The following CD6 variants were observed in gnomAD, a reference collection of about 807,000 sequenced individuals.
CD6 encodes T-cell differentiation antigen CD6.
A neutral mutation model predicts 75.3 loss-of-function variants in CD6; 53 were observed. The ratio of observed to expected loss-of-function variants is 0.70; its 90% confidence interval spans 0.56 to 0.88. The LOEUF (loss-of-function observed/expected upper bound fraction) is 0.88. Among genes scored for constraint, CD6 ranks in the 40% least tolerant of loss-of-function variants. The pLI is 0.00. For synonymous variants in CD6, 359 were observed against 381.5 expected (o/e 0.94, Z 0.69); for missense variants, 770 against 897.1 (o/e 0.86, Z 1.81).
chr11:60,984,671 A>C (rs1012989752), intron 1 of CD6, among the ~76,000 whole-genome samples: 3 of 152,264 alleles, frequency 2.0e-5, no homozygotes, highest in African/African-American at 7.2e-5. Flanking sequence ...GGATATGTGC[A>C]CCAAGGGAAA....
chr11:60,995,774 C>T (rs1858269306), intron 1 of CD6, among the ~76,000 whole-genome samples: 1 of 152,110 alleles, frequency 6.6e-6, no homozygotes, highest in African/African-American at 2.4e-5. Flanking sequence ...ACCCAGGACC[C>T]CCTGCCCCGG....
chr11:60,993,030 C>T (rs1306020612), intron 1 of CD6, among the ~76,000 whole-genome samples: 2 of 152,046 alleles, frequency 1.3e-5, no homozygotes, highest in Admixed American at 1.3e-4. Flanking sequence ...TTTTACTGAG[C>T]TGCTTGCAAC....
At chr11:61,015,399 T>G (rs1185539381) in intron 8 of CD6, 1 of 240,902 alleles carries the variant, frequency 4.2e-6, no homozygotes, top group Non-Finnish European at 8.2e-6. Flanking sequence ...GGTGAAAACC[T>G]GTCTCTACAA....
intron 11 of CD6, 94 bp downstream of exon 11, chr11:61,018,107 T>G: frequency 6.7e-7 from 1 of 1,482,290 alleles, no homozygotes; most frequent in Admixed American, 1.9e-5. Context: ...AGGTCAGGAT[T>G]CTACCCAGTT....
At chr11:60,972,244 C>G (rs537259908) in intron 1 of CD6, among the ~76,000 whole-genome samples, 2 of 152,354 alleles carry the variant, frequency 1.3e-5, no homozygotes, top group South Asian at 4.1e-4. Context: ...TTCTTGCCAA[C>G]TCTTAAGAAG....
Position 61,007,386 on chromosome 11 carries a change from G to A in CD6, c.119-174G>A, listed in dbSNP as rs1858912421. Among the ~76,000 whole-genome samples the A allele has an allele frequency of 6.6e-6, 1 of 152,208 alleles. No homozygotes were observed. Among genetic ancestry groups the A allele is most frequent in the South Asian group, 2.1e-4 (1 of 4,834 alleles). ...ACTCTAAGGAGAACCACAGGGTCAG[G>A]CCTCAAGGTGGGCTCAGGGATGAGC... On this transcript the variant is annotated intron_variant, in intron 2 of 12. Coordinates refer to ENST00000313421, the MANE Select transcript of CD6 (RefSeq NM_006725.5). The surrounding 1 kb of genome is among the most constrained non-coding windows in gnomAD (Gnocchi z 4.2).
Position 60,983,100 on chromosome 11 carries a change from CT to C in CD6, c.49+11201del, listed in dbSNP as rs34513880. 4.5e-3 allele frequency among the ~76,000 whole-genome samples: 637 copies of C among 143,092 alleles called. 3 individuals are homozygous for C. Among genetic ancestry groups the C allele is most frequent in the African/African-American group, 7.9e-3 (308 of 39,196 alleles). 93.9% of individuals were successfully genotyped at this position (143,092 alleles called of 152,430 possible). On this transcript the variant is annotated intron_variant, in intron 1 of 12. Transcript: ENST00000313421. ...GCCTCCTCTTTGTTTTTTTACTTCA[CT>C]TTTTTTTTTTTTTTGACGGAGTCTC... is the stretch of plus-strand genomic sequence containing the variant.
intron 1 of CD6, chr11:60,985,164 GCACC>G (rs1857753294): frequency 7.1e-6 from 1 of 140,934 alleles, no homozygotes; most frequent in Non-Finnish European, 1.5e-5. Flanking sequence ...GCCGAAGCTT[GCACC>G]CACTCCTTTT....
intron 1 of CD6, among the ~76,000 whole-genome samples, chr11:60,987,414 C>G (rs1200361296): frequency 6.6e-6 from 1 of 152,198 alleles, no homozygotes; most frequent in Non-Finnish European, 1.5e-5. Flanking sequence ...AACTTGATTG[C>G]CCCTATAAAG....
intron 1 of CD6, among the ~76,000 whole-genome samples, chr11:60,975,813 T>C (rs1446590582): frequency 6.6e-6 from 1 of 152,102 alleles, no homozygotes; most frequent in Non-Finnish European, 1.5e-5. Context: ...AATAAAAAAG[T>C]AGGGGGAGGG....
At chr11:60,983,206 C>T (rs888433178) in intron 1 of CD6, among the ~76,000 whole-genome samples, 1 of 151,774 alleles carries the variant, frequency 6.6e-6, no homozygotes, top group African/African-American at 2.4e-5. Context: ...AAGCGAGTCT[C>T]GTGCCTCAGC....
At position 61,011,073 on chromosome 11, in the gene CD6, C is replaced by G; in HGVS notation, c.1088C>G (p.Ser363Cys). Residue 363 changes from serine to cysteine, a missense_variant, in exon 6 of 13, where the codon TCC becomes TGC. Physicochemically the swap from Ser to Cys is moderately radical, Grantham distance 112. Transcript: ENST00000313421. ...ACTGGGCGGTGCTTTCTGACAGCTTCCCGGAGTTTGCACAATCTGTCCACT... is the reference window on the plus strand; with the variant it reads ...ACTGGGCGGTGCTTTCTGACAGCTTGCCGGAGTTTGCACAATCTGTCCACT... ...SLAARVLCSA[S>C]RSLHNLSTPE... 1 of 1,614,052 alleles carries G rather than the reference C, an allele frequency of 6.2e-7. No homozygotes were observed. Among genetic ancestry groups the G allele is most frequent in the Non-Finnish European group, 8.5e-7 (1 of 1,179,956 alleles).
chr11:61,002,184 A>C (rs1858615738), intron 1 of CD6, among the ~76,000 whole-genome samples: 1 of 152,224 alleles, frequency 6.6e-6, no homozygotes. Flanking sequence ...GCCATGCTGT[A>C]AATGGACCGT....
chr11:60,983,372 G>A (rs1174246914), intron 1 of CD6, among the ~76,000 whole-genome samples: 3 of 152,014 alleles, frequency 2.0e-5, no homozygotes, highest in East Asian at 3.8e-4. Flanking sequence ...GATTACAGAC[G>A]CGAGCCACTG....
In CD6 at chr11:61,007,467, T is replaced by G; in HGVS notation, c.119-93T>G. 3.0e-6 allele frequency: 3 copies of G among 997,268 alleles called. No homozygotes were observed. The highest frequency in any genetic ancestry group is 2.5e-5 in the South Asian group (1 of 39,520). 61.8% of individuals were successfully genotyped at this position (997,268 alleles called of 1,614,324 possible). Reference sequence around the variant, plus strand: ...CTGAGACCCCTAGCCAGGCAGGGCGTTGTCAAAGTTCACGCACAGAGTCAG... The same window carrying G: ...CTGAGACCCCTAGCCAGGCAGGGCGGTGTCAAAGTTCACGCACAGAGTCAG... On this transcript the variant is annotated intron_variant, in intron 2 of 12. Coordinates refer to ENST00000313421, the MANE Select transcript of CD6 (RefSeq NM_006725.5). The surrounding 1 kb of genome is among the most constrained non-coding windows in gnomAD (Gnocchi z 4.2).
At position 61,015,784 on chromosome 11, in the gene CD6, G is replaced by A. The variant is rs569580908; in HGVS notation, c.1459G>A (p.Glu487Lys). Reference sequence around the variant, plus strand: ...AGACTCTGGCTCGGACTCAGACTATGAGCACTATGACTTCAGCGCCCAGCC... The same window carrying A: ...AGACTCTGGCTCGGACTCAGACTATAAGCACTATGACTTCAGCGCCCAGCC... ...DSDSGSDSDY[E>K]HYDFSAQPPV... The change falls in exon 9 of 13, where the codon GAG (glutamate) becomes AAG (lysine). Residue 487 changes from glutamate (E) to lysine (K), a missense_variant. Coordinates refer to ENST00000313421, the MANE Select transcript of CD6 (RefSeq NM_006725.5). 1.9e-6 allele frequency: 3 copies of A among 1,614,176 alleles called. No homozygotes were observed. Among genetic ancestry groups the A allele is most frequent in the East Asian group, 2.2e-5 (1 of 44,874 alleles).
intron 1 of CD6, among the ~76,000 whole-genome samples, chr11:60,998,852 A>G (rs1289322311): frequency 2.0e-5 from 1 of 51,218 alleles, no homozygotes; most frequent in African/African-American, 7.2e-5. Context: ...CAAGGCAGAA[A>G]AAAAAAAAAA....
At chr11:61,009,074 G>A (rs879351605) in intron 4 of CD6, among the ~76,000 whole-genome samples, 1 of 152,194 alleles carries the variant, frequency 6.6e-6, no homozygotes, top group Admixed American at 6.5e-5. Context: ...CGGAGCTGTA[G>A]GCTAAGGCTG....
In CD6 at chr11:61,018,305, T is replaced by C; in HGVS notation, c.1854T>C (p.Asp618=). 2 of 1,605,398 alleles carry C rather than the reference T, an allele frequency of 1.2e-6. No individual in the cohort carries two copies. The highest frequency in any genetic ancestry group is 1.7e-6 in the Non-Finnish European group (2 of 1,176,278). ...QPAFSAGPPA[D]DSSSTSSGEW... ...GGTTTCCAGCAGGGCCCCCGGCTGA[T>C]GACAGCTCCAGCACCTCATCCGGGG... The change falls in exon 12 of 13, where the codon GAT becomes GAC. Residue 618 remains aspartate (D), a synonymous_variant. Transcript: ENST00000313421.
Sources: gnomAD v4.1 joint callset for allele counts (sites outside exome capture counted in the v4.1 genomes callset) on GRCh38, gnomAD v4.1.1 for gene constraint, Gnocchi (gnomAD v3.1) non-coding constraint, MANE v1.5 for transcripts, NCBI Gene and HGNC (gene_info 2026-07-23, HGNC 2026-07-21) for gene names.